The following CACNB4 variants were observed in gnomAD, a reference collection of about 807,000 sequenced individuals.
CACNB4 encodes voltage-dependent L-type calcium channel subunit beta-4.
CACNB4 carries 32 observed loss-of-function variants against 71.2 expected under a neutral mutation model. That is an observed-to-expected ratio of 0.45 (90% CI 0.34 to 0.60). CACNB4 has a LOEUF of 0.60. Ranked by LOEUF, CACNB4 falls within the 20% of genes least tolerant of loss-of-function variation. CACNB4 has a pLI of 0.01. For missense variants in CACNB4, 464 were observed against 647.9 expected (o/e 0.72, Z 3.08); for synonymous variants, 231 against 236.9 (o/e 0.97, Z 0.23).
intron 2 of CACNB4, among the ~76,000 whole-genome samples, chr2:152,016,487 T>C (rs764940641): frequency 5.9e-5 from 9 of 152,324 alleles, no homozygotes; most frequent in Non-Finnish European, 1.2e-4. Flanking sequence ...ACAAAGCCAC[T>C]ACTCTGGTTT....
chr2:151,952,231 C>A (rs1005692941), intron 2 of CACNB4, among the ~76,000 whole-genome samples: 1 of 152,126 alleles, frequency 6.6e-6, no homozygotes, highest in Admixed American at 6.5e-5. Flanking sequence ...GTCCTACCTA[C>A]GAGATGTATA....
intron 2 of CACNB4, among the ~76,000 whole-genome samples, chr2:152,092,473 A>T (rs1302873356): frequency 6.6e-6 from 1 of 152,222 alleles, no homozygotes; most frequent in Non-Finnish European, 1.5e-5. Flanking sequence ...AATTATTGTA[A>T]CGATCATCTG....
chr2:151,997,482 T>C (rs553973947), intron 2 of CACNB4, among the ~76,000 whole-genome samples: 105 of 151,694 alleles, frequency 6.9e-4, no homozygotes, highest in Non-Finnish European at 1.1e-3. Flanking sequence ...TGCAGTGAGC[T>C]GAGATCGCGC....
chr2:151,910,183 T>A (rs140246719), intron 2 of CACNB4, among the ~76,000 whole-genome samples: 3 of 152,210 alleles, frequency 2.0e-5, no homozygotes, highest in Non-Finnish European at 2.9e-5. Flanking sequence ...AATGTCCTTT[T>A]GAGAAGTGTC....
At chr2:151,987,945 A>G (rs1450270396) in intron 2 of CACNB4, among the ~76,000 whole-genome samples, 1 of 152,196 alleles carries the variant, frequency 6.6e-6, no homozygotes, top group African/African-American at 2.4e-5. Context: ...CTCTACATAT[A>G]TTCATTAGAA....
intron 2 of CACNB4, among the ~76,000 whole-genome samples, chr2:152,015,774 T>C (rs1161102178): frequency 6.6e-6 from 1 of 152,214 alleles, no homozygotes; most frequent in Non-Finnish European, 1.5e-5. Context: ...AAGCAACAAA[T>C]GAGAAATAAA....
At chr2:151,954,208 A>G (rs552735605) in intron 2 of CACNB4, among the ~76,000 whole-genome samples, 3 of 152,346 alleles carry the variant, frequency 2.0e-5, no homozygotes, top group South Asian at 2.1e-4. Context: ...TCCTCGTTCT[A>G]AACCAGAGTG....
At chr2:151,875,953 GCGGC>G in intron 5 of CACNB4, among the ~76,000 whole-genome samples, 1 of 133,310 alleles carries the variant, frequency 7.5e-6, no homozygotes, top group Admixed American at 7.3e-5. Context: ...CCCGGACGGG[GCGGC>G]TGGCCGGGCG....
intron 2 of CACNB4, among the ~76,000 whole-genome samples, chr2:152,010,746 C>T (rs1342100781): frequency 2.0e-5 from 3 of 152,178 alleles, no homozygotes; most frequent in African/African-American, 7.2e-5. Flanking sequence ...CCATGAGGGC[C>T]ACCCTGCCCA....
At chr2:151,933,844 C>T (rs1217754469) in intron 2 of CACNB4, among the ~76,000 whole-genome samples, 2 of 151,198 alleles carry the variant, frequency 1.3e-5, no homozygotes, top group Admixed American at 1.3e-4. Flanking sequence ...TCTAAGGCAG[C>T]TATTCCTAAG....
At chr2:152,005,558 G>A (rs1487344315) in intron 2 of CACNB4, among the ~76,000 whole-genome samples, 1 of 152,138 alleles carries the variant, frequency 6.6e-6, no homozygotes, top group Admixed American at 6.5e-5. Context: ...TTCCTATTGG[G>A]TACTATGTTC....
intron 2 of CACNB4, among the ~76,000 whole-genome samples, chr2:152,059,694 G>A (rs1224392608): frequency 2.6e-5 from 4 of 152,224 alleles, no homozygotes; most frequent in Non-Finnish European, 4.4e-5. Flanking sequence ...ATACTGAAAT[G>A]AATTAAGGCT....
intron 2 of CACNB4, chr2:151,883,790 T>C (rs1332862989): frequency 1.1e-5 from 3 of 261,582 alleles, no homozygotes; most frequent in Non-Finnish European, 2.2e-5. Context: ...GGGTCATCTA[T>C]TTGTCTAAGA....
chr2:151,929,767 C>T (rs2099861164), intron 2 of CACNB4, among the ~76,000 whole-genome samples: 1 of 152,006 alleles, frequency 6.6e-6, no homozygotes, highest in Admixed American at 6.5e-5. Flanking sequence ...GAGAAAAAAA[C>T]AGCAACCATT....
At chr2:151,845,478 A>G (rs1470018825) in intron 12 of CACNB4, among the ~76,000 whole-genome samples, 1 of 152,080 alleles carries the variant, frequency 6.6e-6, no homozygotes, top group African/African-American at 2.4e-5. Context: ...ACTCAGTATC[A>G]GGGAAAACAA....
rs11324988 is a variant in CACNB4 at position 151,909,450 on chromosome 2, C to CA, written c.148-26081dup. On this transcript the variant is annotated intron_variant, in intron 2 of 13. Transcript: ENST00000539935. ...GACTCCATCTCAGGGAGGAAAAAAA[C>CA]AAAAAAAAAAAACAAAAAATGGGAT... Among the ~76,000 whole-genome samples, 12 of 105,612 alleles carry CA rather than the reference C, an allele frequency of 1.1e-4. 2 individuals are homozygous for CA. Among genetic ancestry groups the CA allele is most frequent in the African/African-American group, 1.6e-4 (6 of 37,440 alleles). The allele number at this position is 105,612 out of a possible 152,430, so 69.3% of individuals were successfully genotyped here. A position where few individuals can be genotyped will look rare whatever the true frequency, so the allele number is the denominator to read the frequency against.
intron 3 of CACNB4, chr2:151,882,952 G>T (rs1375607800): frequency 7.6e-6 from 3 of 396,754 alleles, no homozygotes; most frequent in African/African-American, 4.1e-5. Flanking sequence ...AGGGCCAGCT[G>T]GTGCCTGGGG....
At chr2:151,904,174 T>C (rs926779304) in intron 2 of CACNB4, among the ~76,000 whole-genome samples, 10 of 152,268 alleles carry the variant, frequency 6.6e-5, no homozygotes, top group African/African-American at 1.7e-4. Flanking sequence ...CATCCATTCA[T>C]GATTAATTGG....
At chr2:152,051,483 G>A (rs180912886) in intron 2 of CACNB4, among the ~76,000 whole-genome samples, 2 of 152,270 alleles carry the variant, frequency 1.3e-5, no homozygotes, top group East Asian at 3.9e-4. Context: ...TGGAGATGGA[G>A]CGCTCAGGAG....
Sources: allele counts gnomAD v4.1 joint callset (sites outside exome capture counted in the v4.1 genomes callset), GRCh38; gene constraint gnomAD v4.1.1; transcripts MANE v1.5; gene names NCBI Gene and HGNC (gene_info 2026-07-23, HGNC 2026-07-21).